The following HDX variants were observed in gnomAD, a reference collection of about 807,000 sequenced individuals.
HDX encodes the protein highly divergent homeobox.
Under a neutral mutation model 45.2 loss-of-function variants are expected in HDX, and 19 were observed. The observed-to-expected ratio is 0.42, with a 90% CI of 0.29 to 0.62. The LOEUF (loss-of-function observed/expected upper bound fraction) is 0.62. Ranked by LOEUF, HDX falls within the 20% of genes least tolerant of loss-of-function variation. The probability of loss-of-function intolerance (pLI) is 0.20; values close to 1 mark genes in which losing one functional copy is unlikely to be tolerated. For synonymous variants in HDX, 188 were observed against 172.8 expected (o/e 1.09, Z -0.69); for missense variants, 532 against 493.9 (o/e 1.08, Z -0.73).
chrX:84,477,860 C>T (rs1222131745), intron 2 of HDX, among the ~76,000 whole-genome samples: 4 of 111,606 alleles, frequency 3.6e-5, no homozygotes, highest in Non-Finnish European at 7.5e-5. Context: ...GGGATGGTGG[C>T]TGAATTAGGG....
Position 84,320,894 on chromosome X carries a change from A to G in HDX, c.*995T>C, listed in dbSNP as rs1236285536. On this transcript the variant is annotated 3_prime_UTR_variant, in exon 11 of 11. Coordinates refer to ENST00000373177, the MANE Select transcript of HDX (RefSeq NM_001177479.2). The stretch of plus-strand genomic sequence containing the variant: ...GACTGTGATTTACAACCAAAGTAGT[A>G]TAACTCTTTTTGAATACTATCCTTG... The G allele has an allele frequency of 9.0e-6, 1 of 110,850 alleles. No homozygotes were observed. Among genetic ancestry groups the G allele is most frequent in the East Asian group, 2.8e-4 (1 of 3,544 alleles). The allele number at this position is 110,850 out of a possible 1,213,427, so 9.1% of individuals were successfully genotyped here.
chrX:84,486,638 T>C (rs1402176663), intron 2 of HDX, among the ~76,000 whole-genome samples: 2 of 105,757 alleles, frequency 1.9e-5, no homozygotes, highest in Non-Finnish European at 3.9e-5. Context: ...CGGGGTTGAC[T>C]TTTTTTTTTC....
intron 5 of HDX, among the ~76,000 whole-genome samples, chrX:84,372,833 G>A (rs1345825849): frequency 9.0e-6 from 1 of 110,938 alleles, no homozygotes; most frequent in African/African-American, 3.3e-5. Flanking sequence ...TGAGAGACAA[G>A]GCAGTTTAAA....
intron 5 of HDX, among the ~76,000 whole-genome samples, chrX:84,432,261 A>G (rs6623033): frequency 0.071 from 7,888 of 111,361 alleles, 432 homozygotes; most frequent in East Asian, 0.42. Context: ...TTTCAAGTCA[A>G]GTAATGTGAT....
intron 5 of HDX, among the ~76,000 whole-genome samples, chrX:84,399,869 C>A (rs978874447): frequency 9.0e-6 from 1 of 111,704 alleles, no homozygotes; most frequent in Non-Finnish European, 1.9e-5. Flanking sequence ...CCACCATGAT[C>A]AAGTCAGCTT....
At chrX:84,339,156 G>T (rs759338144) in intron 7 of HDX, among the ~76,000 whole-genome samples, 8 of 111,795 alleles carry the variant, frequency 7.2e-5, no homozygotes, top group African/African-American at 2.3e-4. Flanking sequence ...AATATTGCAT[G>T]ATCTCACTTA....
intron 5 of HDX, among the ~76,000 whole-genome samples, chrX:84,414,007 G>A (rs1273210076): frequency 9.0e-6 from 1 of 111,688 alleles, no homozygotes; most frequent in East Asian, 2.8e-4. Context: ...TAGAGAGGAT[G>A]TAACTGAAAC....
At chrX:84,460,334 T>G (rs1441675919) in intron 4 of HDX, among the ~76,000 whole-genome samples, 2 of 111,998 alleles carry the variant, frequency 1.8e-5, no homozygotes, top group Non-Finnish European at 3.8e-5. Flanking sequence ...ATTAAAAAGA[T>G]CATTCATTAT....
At chrX:84,405,212 T>C (rs1233039089) in intron 5 of HDX, among the ~76,000 whole-genome samples, 2 of 110,729 alleles carry the variant, frequency 1.8e-5, no homozygotes, top group African/African-American at 6.5e-5. Context: ...TCATGAAATT[T>C]AGTCACACAA....
At chrX:84,462,143 A>T (rs766559312) in intron 4 of HDX, among the ~76,000 whole-genome samples, 6 of 112,025 alleles carry the variant, frequency 5.4e-5, no homozygotes, top group Non-Finnish European at 1.1e-4. Context: ...GAGCTACCAT[A>T]AAATCCATCA....
Position 84,408,499 on chromosome X carries a change from G to GTTTTTTTTTTTTTTTTTTT in HDX, c.1305+32014_1305+32032dup, listed in dbSNP as rs1220751208. Among the ~76,000 whole-genome samples the GTTTTTTTTTTTTTTTTTTT allele has an allele frequency of 1.4e-4, 6 of 44,440 alleles. 1 individual carries two copies. The highest frequency in any genetic ancestry group is 1.6e-4 in the Non-Finnish European group (4 of 25,469). 38.6% of individuals were successfully genotyped at this position (44,440 alleles called of 115,157 possible). ...TGCATAAAGTGATGCCTCCAGCTTT[G>GTTTTTTTTTTTTTTTTTTT]TTTTTTTTTTTTTTTTTTTTTTTGC... On this transcript the variant is annotated intron_variant, in intron 5 of 10. Coordinates refer to ENST00000373177, the MANE Select transcript of HDX (RefSeq NM_001177479.2).
At chrX:84,479,041 T>C (rs769401788) in intron 2 of HDX, among the ~76,000 whole-genome samples, 1 of 112,151 alleles carries the variant, frequency 8.9e-6, no homozygotes, top group Non-Finnish European at 1.9e-5. Context: ...CCAACATGTC[T>C]GTATTAATAT....
At chrX:84,485,935 T>G (rs2040781087) in intron 2 of HDX, among the ~76,000 whole-genome samples, 2 of 111,944 alleles carry the variant, frequency 1.8e-5, no homozygotes, top group Admixed American at 1.9e-4. Flanking sequence ...ACCCTATGTC[T>G]TTTATATAAA....
intron 5 of HDX, among the ~76,000 whole-genome samples, chrX:84,425,210 A>C (rs1165693031): frequency 8.9e-6 from 1 of 112,261 alleles, no homozygotes; most frequent in Non-Finnish European, 1.9e-5. Flanking sequence ...AGATATATGA[A>C]AATGTGCTCG....
intron 5 of HDX, among the ~76,000 whole-genome samples, chrX:84,439,422 T>C (rs1403178681): frequency 9.0e-6 from 1 of 111,202 alleles, no homozygotes; most frequent in Non-Finnish European, 1.9e-5. Flanking sequence ...GTCCCATTTA[T>C]CTATTTTTGG....
At chrX:84,354,930 C>CACAT (rs1322780448) in intron 6 of HDX, among the ~76,000 whole-genome samples, 7 of 74,826 alleles carry the variant, frequency 9.4e-5, no homozygotes, top group African/African-American at 1.6e-4. Context: ...CACACACACA[C>CACAT]ATATATATAT....
At chrX:84,452,313 G>T (rs1235406909) in intron 4 of HDX, among the ~76,000 whole-genome samples, 2 of 110,696 alleles carry the variant, frequency 1.8e-5, no homozygotes, top group Non-Finnish European at 3.8e-5. Flanking sequence ...CAGTAAAATT[G>T]GAGACAGAAA....
intron 2 of HDX, among the ~76,000 whole-genome samples, chrX:84,485,181 A>G (rs954756310): frequency 4.5e-5 from 5 of 111,392 alleles, no homozygotes; most frequent in Non-Finnish European, 9.4e-5. Flanking sequence ...TCTCTTTGTG[A>G]CTGTTCCATG....
In HDX at chrX:84,479,065, CATT is replaced by C. The variant is rs1351265450; in HGVS notation, c.1-3671_1-3669del. ...CTGTATTAATATTGTACTTTTTATCCATTATTATTATTCACTTCTAAACTTACA... is the reference window on the plus strand; with the variant it reads ...CTGTATTAATATTGTACTTTTTATCCATTATTATTCACTTCTAAACTTACA... On this transcript the variant is annotated intron_variant, in intron 2 of 10. Transcript: ENST00000373177. Among the ~76,000 whole-genome samples, 368 of 111,447 alleles carry C rather than the reference CATT, an allele frequency of 3.3e-3. 2 individuals are homozygous for C. Among genetic ancestry groups the C allele is most frequent in the African/African-American group, 0.012 (355 of 30,714 alleles).
Sources: gnomAD v4.1 joint callset for allele counts (sites outside exome capture counted in the v4.1 genomes callset) on GRCh38, gnomAD v4.1.1 for gene constraint, MANE v1.5 for transcripts, NCBI Gene and HGNC (gene_info 2026-07-23, HGNC 2026-07-21) for gene names.